RYR2: variants seen among roughly 807,000 people sequenced by gnomAD.
The protein encoded by RYR2 is cardiac muscle ryanodine receptor-calcium release channel.
A neutral mutation model predicts 601.1 loss-of-function variants in RYR2; 227 were observed. The ratio of observed to expected loss-of-function variants is 0.38; its 90% CI spans 0.34 to 0.42. RYR2 has a LOEUF of 0.42. Ranked by LOEUF, RYR2 falls within the 10% of genes least tolerant of loss-of-function variation. RYR2 has a pLI of 1.00. For missense variants in RYR2, 4,646 were observed against 6,156.5 expected (o/e 0.75, Z 8.21); for synonymous variants, 2,223 against 2,175.1 (o/e 1.02, Z -0.61).
At chr1:237,169,671 CA>C (rs1677138180) in intron 1 of RYR2, among the ~76,000 whole-genome samples, 1 of 152,128 alleles carries the variant, frequency 6.6e-6, no homozygotes. Flanking sequence ...ATTTTACATT[CA>C]CATTTCTAAA....
chr1:237,462,724 A>T (rs1189824721), intron 16 of RYR2, among the ~76,000 whole-genome samples: 1 of 152,168 alleles, frequency 6.6e-6, no homozygotes, highest in Admixed American at 6.6e-5. Flanking sequence ...AAGGAGGCAG[A>T]TCTCCCTAAA....
intron 1 of RYR2, among the ~76,000 whole-genome samples, chr1:237,097,390 TAAGG>T (rs1013358364): frequency 2.6e-5 from 4 of 152,236 alleles, no homozygotes; most frequent in African/African-American, 9.6e-5. Flanking sequence ...TAATTTTTAA[TAAGG>T]AAGTGAACCC....
rs768288201 is a variant in RYR2, at chr1:237,783,865, G to T, written c.12153G>T (p.Ala4051=). The change falls in exon 90 of 105, where the codon GCG becomes GCT. Residue 4051 remains alanine, a synonymous_variant. Coordinates refer to ENST00000366574, the MANE Select transcript of RYR2 (RefSeq NM_001035.3). ...TTTCCAAGAGGGACTTCCACAAAGCGATGGAGAGCCATAAGCACTACACGC... is the reference window on the plus strand; with the variant it reads ...TTTCCAAGAGGGACTTCCACAAAGCTATGGAGAGCCATAAGCACTACACGC... The part of the protein sequence containing the change: ...GVISKRDFHK[A]MESHKHYTQS... 4 of 1,613,792 alleles carry T rather than the reference G, an allele frequency of 2.5e-6. No individual in the cohort carries two copies. In the South Asian group the frequency reaches 4.4e-5, roughly 18 times the overall value.
chr1:237,279,576 T>C (rs1690646670), intron 2 of RYR2, among the ~76,000 whole-genome samples: 1 of 152,164 alleles, frequency 6.6e-6, no homozygotes, highest in South Asian at 2.1e-4. Flanking sequence ...ATTATAGAAA[T>C]TTTTAATTGA....
chr1:237,152,220 T>TAAAGCAC (rs1558327105), intron 1 of RYR2, among the ~76,000 whole-genome samples: 2 of 152,232 alleles, frequency 1.3e-5, no homozygotes, highest in East Asian at 3.8e-4. Flanking sequence ...TTCCATGGTG[T>TAAAGCAC]ATATGTGCCA....
intron 62 of RYR2, among the ~76,000 whole-genome samples, chr1:237,683,432 A>AGAAGG (rs1335285536): frequency 6.6e-6 from 1 of 152,224 alleles, no homozygotes; most frequent in Non-Finnish European, 1.5e-5. Flanking sequence ...CCAGGCAGTA[A>AGAAGG]GATGGGATTC....
At chr1:237,081,268 C>T (rs1335985607) in intron 1 of RYR2, among the ~76,000 whole-genome samples, 2 of 89,854 alleles carry the variant, frequency 2.2e-5, no homozygotes, top group Non-Finnish European at 4.3e-5. Flanking sequence ...TACCCTAAAA[C>T]TTAGAGTATA....
At chr1:237,796,255 C>T (rs989703097) in intron 96 of RYR2, among the ~76,000 whole-genome samples, 1 of 151,942 alleles carries the variant, frequency 6.6e-6, no homozygotes, top group Non-Finnish European at 1.5e-5. Context: ...AAGGAAGAAG[C>T]TTCTAAATTA....
intron 1 of RYR2, among the ~76,000 whole-genome samples, chr1:237,049,422 G>A (rs1397299955): frequency 6.6e-6 from 1 of 152,162 alleles, no homozygotes; most frequent in Admixed American, 6.5e-5. Context: ...TGACCTTGGG[G>A]CTGGTGGGGT....
chr1:237,655,566 C>T (rs1683164224), intron 52 of RYR2, among the ~76,000 whole-genome samples: 1 of 152,158 alleles, frequency 6.6e-6, no homozygotes, highest in African/African-American at 2.4e-5. Flanking sequence ...AAGTTTACTT[C>T]ATTTCCAGTG....
At chr1:237,148,528 ATAT>A (rs1250072230) in intron 1 of RYR2, among the ~76,000 whole-genome samples, 28,581 of 76,636 alleles carry the variant, frequency 0.37, 3,481 homozygotes, top group South Asian at 0.49. Context: ...AAAAAAAAAA[ATAT>A]ATATATATAT....
intron 1 of RYR2, among the ~76,000 whole-genome samples, chr1:237,046,831 A>G (rs1208523708): frequency 1.3e-5 from 2 of 152,238 alleles, no homozygotes; most frequent in Non-Finnish European, 2.9e-5. Context: ...TGGGAATTAG[A>G]TTAATTCAGA....
chr1:237,706,805 AAAC>A, intron 67 of RYR2, 141 bp from the exon 68 acceptor site: 2 of 670,550 alleles, frequency 3.0e-6, no homozygotes, highest in Non-Finnish European at 5.2e-6. Context: ...AGCTACCTTG[AAAC>A]ACAGGAGAAG....
chr1:237,409,273 G>A (rs1387821109), intron 10 of RYR2, among the ~76,000 whole-genome samples: 4 of 152,090 alleles, frequency 2.6e-5, no homozygotes, highest in Non-Finnish European at 4.4e-5. Flanking sequence ...TTATGATTGA[G>A]TATGGTGTTG....
At chr1:237,577,223 A>G (rs1673319584) in intron 29 of RYR2, among the ~76,000 whole-genome samples, 1 of 152,204 alleles carries the variant, frequency 6.6e-6, no homozygotes, top group Non-Finnish European at 1.5e-5. Flanking sequence ...GGATGGATGA[A>G]TTAACTGGAA....
At chr1:237,120,117 G>GT (rs1439992395) in intron 1 of RYR2, among the ~76,000 whole-genome samples, 1 of 152,056 alleles carries the variant, frequency 6.6e-6, no homozygotes. Flanking sequence ...TAGCAAATTT[G>GT]TCAGCTTCCT....
intron 1 of RYR2, among the ~76,000 whole-genome samples, chr1:237,226,611 G>T (rs1684393089): frequency 6.6e-6 from 1 of 152,090 alleles, no homozygotes; most frequent in Non-Finnish European, 1.5e-5. Flanking sequence ...TTTAAGCATG[G>T]GTCACACTGG....
At position 237,787,361 on chromosome 1, in the gene RYR2, G is replaced by A. The variant is rs558396519; in HGVS notation, c.13329-627G>A. 3.0e-3 allele frequency among the ~76,000 whole-genome samples: 450 copies of A among 151,936 alleles called. 4 individuals are homozygous for A. Among genetic ancestry groups the A allele is most frequent in the African/African-American group, 0.01 (423 of 41,460 alleles). ...TCCCAGCACTTTGGGAGGCCGAGGCGGGCGGATCATAAGGTCAGGAGTTCA... is the reference window on the plus strand; with the variant it reads ...TCCCAGCACTTTGGGAGGCCGAGGCAGGCGGATCATAAGGTCAGGAGTTCA... On this transcript the variant is annotated intron_variant, in intron 91 of 104. Coordinates refer to ENST00000366574, the MANE Select transcript of RYR2 (RefSeq NM_001035.3).
intron 102 of RYR2, among the ~76,000 whole-genome samples, 153 bp downstream of exon 102, chr1:237,828,598 T>C (rs1303245069): frequency 6.6e-6 from 1 of 152,154 alleles, no homozygotes; most frequent in African/African-American, 2.4e-5. Flanking sequence ...AAGCAATACA[T>C]ATAGTTGAGC....
Sources: gnomAD v4.1 joint callset for allele counts (sites outside exome capture counted in the v4.1 genomes callset) on GRCh38, gnomAD v4.1.1 for gene constraint, MANE v1.5 for transcripts, NCBI Gene and HGNC (gene_info 2026-07-23, HGNC 2026-07-21) for gene names.